NRG3: variants seen among roughly 807,000 people sequenced by gnomAD.
The protein encoded by NRG3 is neuregulin 3, also known as pro-neuregulin-3, membrane-bound isoform.
In NRG3, 31 loss-of-function variants were observed where a neutral mutation model predicts 66.9. The observed-to-expected ratio is 0.46, with a 90% CI of 0.35 to 0.63. NRG3 has a LOEUF of 0.63. Ranked by LOEUF, NRG3 falls within the 20% of genes least tolerant of loss-of-function variation. The pLI, the probability that NRG3 is intolerant of heterozygous loss-of-function variation, is 0.00. For missense variants in NRG3, 910 were observed against 878.9 expected, an observed-to-expected ratio of 1.04 and a Z score of -0.45; for synonymous variants, 393 against 359.4, an observed-to-expected ratio of 1.09 and a Z score of -1.06.
At chr10:82,064,731 G>C (rs1274838541) in intron 1 of NRG3, among the ~76,000 whole-genome samples, 2 of 152,148 alleles carry the variant, frequency 1.3e-5, no homozygotes, top group Admixed American at 1.3e-4. Context: ...CTGATGGAAG[G>C]GGTGACCCAC....
intron 1 of NRG3, among the ~76,000 whole-genome samples, chr10:82,251,851 C>T (rs2134106218): frequency 6.6e-6 from 1 of 152,222 alleles, no homozygotes; most frequent in East Asian, 2.0e-4. Flanking sequence ...GTGCAATCTC[C>T]CTGTGGGGGG....
chr10:82,196,643 AAT>A (rs1412226909), intron 1 of NRG3, among the ~76,000 whole-genome samples: 1 of 152,216 alleles, frequency 6.6e-6, no homozygotes, highest in Non-Finnish European at 1.5e-5. Flanking sequence ...TTATTAATAA[AAT>A]ATGTCACCAT....
rs375330392 is a variant in NRG3, at chr10:82,832,773, G to T, written c.1028-32638G>T. On this transcript the variant is annotated intron_variant, in intron 3 of 8. Transcript: ENST00000372141. ...AAGTGCTTAAGACATAATAGGTTAA[G>T]AAAAGACAGACAGAAGAGGTATGCA... Among the ~76,000 whole-genome samples the T allele has an allele frequency of 1.5e-4, 22 of 151,198 alleles. No homozygotes were observed. The East Asian group carries it at 2.5e-3, about 17-fold the overall frequency.
chr10:82,468,227 G>C (rs7071226), intron 2 of NRG3, among the ~76,000 whole-genome samples: 1 of 152,064 alleles, frequency 6.6e-6, no homozygotes, highest in South Asian at 2.1e-4. Context: ...ACCACATCAC[G>C]CTGGATTCCC....
At chr10:82,030,937 A>G (rs551477871) in intron 1 of NRG3, among the ~76,000 whole-genome samples, 3 of 152,274 alleles carry the variant, frequency 2.0e-5, no homozygotes, top group South Asian at 2.1e-4. Flanking sequence ...AGGTAAAGGT[A>G]GAAATAATTA....
chr10:82,673,761 A>G (rs529953004), intron 2 of NRG3, among the ~76,000 whole-genome samples: 2 of 152,344 alleles, frequency 1.3e-5, no homozygotes, highest in East Asian at 3.9e-4. Context: ...GTCGGGATCC[A>G]TGTGAAGATA....
At chr10:81,878,483 T>G (rs1364114749) in intron 1 of NRG3, among the ~76,000 whole-genome samples, 3 of 152,188 alleles carry the variant, frequency 2.0e-5, no homozygotes, top group Non-Finnish European at 2.9e-5. Context: ...TTTAGTTATT[T>G]TTTTCATCCA....
At chr10:82,261,710 C>G (rs1019226101) in intron 1 of NRG3, among the ~76,000 whole-genome samples, 1 of 152,196 alleles carries the variant, frequency 6.6e-6, no homozygotes, top group African/African-American at 2.4e-5. Flanking sequence ...GGGATGGGCT[C>G]TGGCTAGTTA....
At chr10:82,168,041 A>G (rs1218563149) in intron 1 of NRG3, among the ~76,000 whole-genome samples, 1 of 152,124 alleles carries the variant, frequency 6.6e-6, no homozygotes, top group Non-Finnish European at 1.5e-5. Flanking sequence ...TGGAAATTGA[A>G]TATTTGTCAA....
At chr10:82,493,253 G>C (rs1843314606) in intron 2 of NRG3, among the ~76,000 whole-genome samples, 1 of 152,072 alleles carries the variant, frequency 6.6e-6, no homozygotes, top group Non-Finnish European at 1.5e-5. Flanking sequence ...GGATACACTA[G>C]CTATTTTTCC....
intron 2 of NRG3, among the ~76,000 whole-genome samples, chr10:82,564,398 GAATGGAC>G (rs2045256768): frequency 1.3e-5 from 2 of 152,006 alleles, no homozygotes; most frequent in Admixed American, 1.3e-4. Flanking sequence ...ATTCTGCTTC[GAATGGAC>G]ATTTTGATGC....
chr10:82,855,746 T>TA (rs113256238), intron 3 of NRG3, among the ~76,000 whole-genome samples: 3,025 of 146,864 alleles, frequency 0.021, 83 homozygotes, highest in African/African-American at 0.065. Context: ...AAGATAGGAA[T>TA]AAAAAAAAAA....
chr10:81,987,535 A>T (rs2060573107), intron 1 of NRG3, among the ~76,000 whole-genome samples: 1 of 152,230 alleles, frequency 6.6e-6, no homozygotes. Context: ...GACAGTCAAG[A>T]GTGTGTAAAA....
At chr10:82,946,793 A>C (rs1022413028) in intron 4 of NRG3, among the ~76,000 whole-genome samples, 2 of 152,168 alleles carry the variant, frequency 1.3e-5, no homozygotes, top group African/African-American at 4.8e-5. Context: ...TATATATTAA[A>C]AGGTTTATAT....
At position 82,782,939 on chromosome 10, in the gene NRG3, C is replaced by G. The variant is rs576106174; in HGVS notation, c.1027+44289C>G. Among the ~76,000 whole-genome samples, 30 of 152,314 alleles carry G rather than the reference C, an allele frequency of 2.0e-4. No individual in the cohort carries two copies. In the South Asian group the frequency reaches 6.0e-3, roughly 30 times the overall value. On this transcript the variant is annotated intron_variant, in intron 3 of 8. Coordinates refer to ENST00000372141, the MANE Select transcript of NRG3 (RefSeq NM_001010848.4). ...ATTTTAGACCAATATCCTTGATGAA[C>G]ATTGATGCAAAAATCCTCAATGAAA... is the stretch of plus-strand genomic sequence containing the variant.
At chr10:81,991,111 A>G (rs1421370492) in intron 1 of NRG3, among the ~76,000 whole-genome samples, 1 of 152,144 alleles carries the variant, frequency 6.6e-6, no homozygotes, top group Non-Finnish European at 1.5e-5. Context: ...TGTCCATAGA[A>G]CCAGGAAGAG....
chr10:81,886,440 A>C (rs1343577577), intron 1 of NRG3, among the ~76,000 whole-genome samples: 3 of 152,200 alleles, frequency 2.0e-5, no homozygotes, highest in Admixed American at 2.0e-4. Context: ...ACTTTAAAAA[A>C]AGTGCTTCTT....
chr10:82,318,786 AAT>A (rs1297405757), intron 1 of NRG3, among the ~76,000 whole-genome samples: 20 of 152,154 alleles, frequency 1.3e-4, no homozygotes, highest in Admixed American at 1.3e-3. Flanking sequence ...TTACCTCACA[AAT>A]AGAAAGTGAA....
rs576110667 is a variant in NRG3, at chr10:82,506,814, G to T, written c.953+147946G>T. ...TCACATAAATTAATTCTTAGGTAAAGCTCACATGCTATGGAATGGTTTACC... is the reference window on the plus strand; with the variant it reads ...TCACATAAATTAATTCTTAGGTAAATCTCACATGCTATGGAATGGTTTACC... On this transcript the variant is annotated intron_variant, in intron 2 of 8. Transcript: ENST00000372141. Among the ~76,000 whole-genome samples the T allele has an allele frequency of 1.4e-4, 22 of 152,220 alleles. No individual in the cohort carries two copies. The South Asian group carries it at 4.1e-3, about 29-fold the overall frequency.
Sources: gnomAD v4.1 joint callset for allele counts (sites outside exome capture counted in the v4.1 genomes callset) on GRCh38, gnomAD v4.1.1 for gene constraint, MANE v1.5 for transcripts, NCBI Gene and HGNC (gene_info 2026-07-23, HGNC 2026-07-21) for gene names.